Variants in PAPOLA observed in about 807,000 individuals in gnomAD.
PAPOLA encodes the protein polynucleotide adenylyltransferase alpha.
Under a neutral mutation model 100.6 loss-of-function variants are expected in PAPOLA, and 15 were observed. The ratio of observed to expected loss-of-function variants is 0.15; its 90% confidence interval spans 0.10 to 0.23. PAPOLA has a LOEUF of 0.23. Ranked by LOEUF, PAPOLA falls within the 10% of genes least tolerant of loss-of-function variation. The pLI, the probability that PAPOLA is intolerant of heterozygous loss-of-function variation, is 1.00. For missense variants in PAPOLA, 533 were observed against 884.2 expected, an observed-to-expected ratio of 0.60 and a Z score of 5.04; for synonymous variants, 293 against 300.0, an observed-to-expected ratio of 0.98 and a Z score of 0.24.
intron 2 of PAPOLA, 60 bp downstream of exon 2, chr14:96,520,288 A>G: frequency 7.7e-7 from 1 of 1,292,438 alleles, no homozygotes; most frequent in East Asian, 2.4e-5. Context: ...GACATAAACT[A>G]ATTTTGAGGC....
chr14:96,564,836 T>A (rs572869964), intron 21 of PAPOLA, 119 bp from the exon 22 acceptor site: 7 of 617,584 alleles, frequency 1.1e-5, no homozygotes, highest in Admixed American at 9.7e-5. Context: ...ATAGAGTTTT[T>A]AAATTTGTAA....
chr14:96,566,104 C>A lies in PAPOLA; in HGVS notation c.*1054C>A. ...ATCTCTAAAAGGAATTTTGTACACTCCACAGAACTCCTATCTATAGTAAAA... is the reference window on the plus strand; with the variant it reads ...ATCTCTAAAAGGAATTTTGTACACTACACAGAACTCCTATCTATAGTAAAA... On this transcript the variant is annotated 3_prime_UTR_variant, in exon 22 of 22. Transcript: ENST00000216277. The A allele has an allele frequency of 2.5e-6, 1 of 394,064 alleles. No individual in the cohort carries two copies. The highest frequency in any genetic ancestry group is 2.1e-5 in the African/African-American group (1 of 48,558). 24.4% of individuals were successfully genotyped at this position (394,064 alleles called of 1,614,324 possible). A position where few individuals can be genotyped will look rare whatever the true frequency, so the allele number is the denominator to read the frequency against.
At chr14:96,515,943 G>A (rs1197718930) in intron 1 of PAPOLA, among the ~76,000 whole-genome samples, 2 of 152,232 alleles carry the variant, frequency 1.3e-5, no homozygotes, top group Admixed American at 6.5e-5. Flanking sequence ...GCTGTCTGGT[G>A]TATGGTTCCA....
chr14:96,503,025 G>T, intron 1 of PAPOLA: 1 of 191,064 alleles, frequency 5.2e-6, no homozygotes, highest in Non-Finnish European at 1.1e-5. Context: ...GCGCCCCTCG[G>T]GCCCATTCGA....
chr14:96,534,880 G>A (rs1899383483), intron 10 of PAPOLA: 1 of 1,063,058 alleles, frequency 9.4e-7, no homozygotes, highest in African/African-American at 1.7e-5. Context: ...AAAATAAAAG[G>A]ATACTAAAAA....
intron 7 of PAPOLA, 45 bp from the exon 8 acceptor site, chr14:96,532,274 TTGTTTTGTTTTG>T (rs1899090038): frequency 2.2e-5 from 33 of 1,502,444 alleles, no homozygotes; most frequent in Non-Finnish European, 2.5e-5. Context: ...TTTTTTTGTT[TTGTTTTGTTTTG>T]TGTGTGTGTG....
At chr14:96,527,158 C>CGT in intron 4 of PAPOLA, 1 of 413,112 alleles carries the variant, frequency 2.4e-6, no homozygotes, top group Non-Finnish European at 4.3e-6. Flanking sequence ...ATTCCCTCTC[C>CGT]ACCATGAAAG....
chr14:96,532,638 A>G lies in PAPOLA; in HGVS notation c.825A>G (p.Val275=), dbSNP rs760158233. Residue 275 remains valine, a synonymous_variant, in exon 9 of 22, where the codon GTA becomes GTG. Transcript: ENST00000216277. ...CTCTTGTACATAAATTTTTCTTGGT[A>G]TTTTCTAAATGGTATGTGTTTAGAT... ...ASTLVHKFFL[V]FSKWEWPNPV... The G allele has an allele frequency of 1.9e-6, 3 of 1,600,602 alleles. No homozygotes were observed. Among genetic ancestry groups the G allele is most frequent in the South Asian group, 2.3e-5 (2 of 88,440 alleles).
intron 3 of PAPOLA, among the ~76,000 whole-genome samples, chr14:96,522,116 CTTTTTTTTTTTTTT>C (rs754167531): frequency 1.7e-5 from 1 of 57,842 alleles, no homozygotes; most frequent in Admixed American, 2.0e-4. Context: ...TTCTTTCTTT[CTTTTTTTTTTTTTT>C]TTTTTTTTTT....
intron 1 of PAPOLA, among the ~76,000 whole-genome samples, chr14:96,505,420 A>G (rs1481314248): frequency 1.3e-5 from 2 of 152,190 alleles, no homozygotes; most frequent in Non-Finnish European, 2.9e-5. Flanking sequence ...TTGGTCAGAT[A>G]TTTTTGGCAT....
chr14:96,544,271 T>C lies in PAPOLA; in HGVS notation c.1399+13T>C, dbSNP rs1900214218. ...TTCACAGATACAGGTATGTCTTTACTTGGATAATCAAAACACTTCAGTTCT... is the reference window on the plus strand; with the variant it reads ...TTCACAGATACAGGTATGTCTTTACCTGGATAATCAAAACACTTCAGTTCT... On this transcript the variant is annotated intron_variant, in intron 15 of 21. Coordinates refer to ENST00000216277, the MANE Select transcript of PAPOLA (RefSeq NM_032632.5). 2 of 1,244,480 alleles carry C rather than the reference T, an allele frequency of 1.6e-6. No homozygotes were observed. Among genetic ancestry groups the C allele is most frequent in the Non-Finnish European group, 2.4e-6 (2 of 848,824 alleles). The allele number at this position is 1,244,480 out of a possible 1,614,324, so 77.1% of individuals were successfully genotyped here.
chr14:96,554,235 G>T (rs1901100509), intron 17 of PAPOLA, among the ~76,000 whole-genome samples: 1 of 152,238 alleles, frequency 6.6e-6, no homozygotes, highest in Admixed American at 6.5e-5. Context: ...AACAAGCAGT[G>T]AGTGTTTATT....
At chr14:96,514,364 G>A (rs1897301888) in intron 1 of PAPOLA, among the ~76,000 whole-genome samples, 1 of 151,146 alleles carries the variant, frequency 6.6e-6, no homozygotes, top group African/African-American at 2.4e-5. Flanking sequence ...GTTATGTTTA[G>A]TAGAGACGGG....
At chr14:96,544,295 C>T (rs775258627) in intron 15 of PAPOLA, 37 bp downstream of exon 15, 1 of 965,626 alleles carries the variant, frequency 1.0e-6, no homozygotes, top group Non-Finnish European at 1.7e-6. Context: ...CACTTCAGTT[C>T]TTGCATATTT....
intron 15 of PAPOLA, among the ~76,000 whole-genome samples, chr14:96,547,199 T>A (rs758227769): frequency 3.3e-5 from 5 of 152,148 alleles, no homozygotes; most frequent in African/African-American, 4.8e-5. Context: ...TATAGGTGTT[T>A]CATAAATATG....
At chr14:96,536,043 A>G in intron 11 of PAPOLA, 44 bp downstream of exon 11, 2 of 1,468,106 alleles carry the variant, frequency 1.4e-6, no homozygotes, top group Non-Finnish European at 1.8e-6. Context: ...GGAAGGATTT[A>G]CGTACCATTG....
chr14:96,545,887 G>T (rs555472299), intron 15 of PAPOLA, among the ~76,000 whole-genome samples: 6 of 151,988 alleles, frequency 3.9e-5, no homozygotes, highest in African/African-American at 1.4e-4. Context: ...ATAAGTCACG[G>T]ATACTTACCT....
At chr14:96,538,614 C>A (rs1259432540) in intron 12 of PAPOLA, among the ~76,000 whole-genome samples, 1 of 151,974 alleles carries the variant, frequency 6.6e-6, no homozygotes, top group Non-Finnish European at 1.5e-5. Context: ...ATTTGCATTT[C>A]AGCTGAGTGT....
chr14:96,502,846 C>T, intron 1 of PAPOLA: 3 of 423,632 alleles, frequency 7.1e-6, no homozygotes, highest in South Asian at 6.7e-5. Context: ...CGGGGGCCTT[C>T]CCCTTCCGGA....
Sources: gnomAD v4.1 joint callset for allele counts (sites outside exome capture counted in the v4.1 genomes callset) on GRCh38, gnomAD v4.1.1 for gene constraint, MANE v1.5 for transcripts, NCBI Gene and HGNC (gene_info 2026-07-23, HGNC 2026-07-21) for gene names.